The following TTK variants were observed in gnomAD, a reference collection of about 807,000 sequenced individuals.
TTK encodes the protein TTK protein kinase, also known as dual specificity protein kinase TTK.
In TTK, 59 loss-of-function variants were observed where a neutral mutation model predicts 117.3. The ratio of observed to expected loss-of-function variants is 0.50; its 90% CI spans 0.41 to 0.62. TTK has a LOEUF of 0.62. TTK is among the 20% of genes least tolerant of loss of function. TTK has a pLI of 0.00. For missense variants in TTK, 921 were observed against 989.4 expected, an observed-to-expected ratio of 0.93 and a Z score of 0.93; for synonymous variants, 302 against 325.0, an observed-to-expected ratio of 0.93 and a Z score of 0.76.
rs1582092432 is a variant in TTK, at chr6:80,014,454, T to C, written c.985-9T>C. ...TATGGGACTTTATTTGATTTTCTTT[T>C]TCATGTAGTCTGTTCAAAATAGTCA... On this transcript the variant is annotated splice_polypyrimidine_tract_variant and intron_variant, in intron 9 of 21. Coordinates refer to ENST00000369798, the MANE Select transcript of TTK (RefSeq NM_003318.5). The C allele has an allele frequency of 1.9e-6, 3 of 1,587,006 alleles. No homozygotes were observed. The East Asian group carries it at 6.8e-5, about 36-fold the overall frequency.
At chr6:80,020,888 C>G (rs1195428890) in intron 10 of TTK, among the ~76,000 whole-genome samples, 2 of 152,172 alleles carry the variant, frequency 1.3e-5, no homozygotes, top group East Asian at 3.9e-4. Flanking sequence ...CAAATACAGG[C>G]GGATCCAATG....
chr6:80,023,923 T>G (rs1208949937), intron 11 of TTK, among the ~76,000 whole-genome samples: 2 of 152,252 alleles, frequency 1.3e-5, no homozygotes, highest in Admixed American at 6.5e-5. Context: ...ATAAGGATCC[T>G]GATAGGTTGA....
intron 21 of TTK, 24 bp from the exon 22 acceptor site, chr6:80,042,095 C>A: frequency 4.0e-6 from 6 of 1,487,768 alleles, no homozygotes; most frequent in South Asian, 2.9e-5. Flanking sequence ...AATTGCAAAA[C>A]AGATTTGTGT....
At chr6:80,032,923 A>G (rs1315614267) in intron 14 of TTK, among the ~76,000 whole-genome samples, 1 of 152,178 alleles carries the variant, frequency 6.6e-6, no homozygotes, top group African/African-American at 2.4e-5. Flanking sequence ...TAAATACAAT[A>G]TGAAATGATT....
intron 16 of TTK, 49 bp downstream of exon 16, chr6:80,035,466 G>A (rs1767879179): frequency 6.6e-7 from 1 of 1,524,626 alleles, no homozygotes; most frequent in Admixed American, 2.2e-5. Context: ...TTTGTTAATA[G>A]TGTCATCTTA....
At chr6:80,004,835 T>G (rs1453078383) in intron 1 of TTK, 122 bp downstream of exon 1, 1 of 140,240 alleles carries the variant, frequency 7.1e-6, no homozygotes, top group African/African-American at 2.7e-5. Flanking sequence ...GAGCCAGGTA[T>G]GCGACGCGGC....
chr6:80,008,929 C>CTGTGTGTGTGTGTGTG (rs3049166), intron 4 of TTK, among the ~76,000 whole-genome samples: 3,921 of 142,338 alleles, frequency 0.028, 101 homozygotes, highest in East Asian at 0.08. Flanking sequence ...AACTATATAT[C>CTGTGTGTGTGTGTGTG]TGTGTGTGTG....
chr6:80,042,376 G>A lies in TTK; in HGVS notation c.*174G>A, dbSNP rs531386573. 2 of 457,766 alleles carry A rather than the reference G, an allele frequency of 4.4e-6. No individual in the cohort carries two copies. The highest frequency in any genetic ancestry group is 3.2e-5 in the East Asian group (1 of 31,174). The allele number at this position is 457,766 out of a possible 1,614,324, so 28.4% of individuals were successfully genotyped here. On this transcript the variant is annotated 3_prime_UTR_variant, in exon 22 of 22. Transcript: ENST00000369798. Reference sequence around the variant, plus strand: ...ACTGTAAAAATAGCAACCACTTATGGCACTGTATATATTGTAGACTTGTTT... The same window carrying A: ...ACTGTAAAAATAGCAACCACTTATGACACTGTATATATTGTAGACTTGTTT...
chr6:80,005,280 A>G (rs554580612), intron 1 of TTK, among the ~76,000 whole-genome samples: 1 of 152,290 alleles, frequency 6.6e-6, no homozygotes, highest in East Asian at 1.9e-4. Context: ...TACCAGTACA[A>G]TAGTTTCTTA....
At chr6:80,021,680 T>G (rs550311523) in intron 10 of TTK, among the ~76,000 whole-genome samples, 1 of 152,222 alleles carries the variant, frequency 6.6e-6, no homozygotes, top group South Asian at 2.1e-4. Context: ...ATAGTTATAT[T>G]GAGTAATTGC....
intron 8 of TTK, 94 bp downstream of exon 8, chr6:80,012,074 T>C (rs1767175491): frequency 1.1e-6 from 1 of 944,292 alleles, no homozygotes; most frequent in South Asian, 2.0e-5. Context: ...ATAGTAATTA[T>C]GATTAAATTT....
At chr6:80,041,898 A>C (rs1190883046) in intron 21 of TTK, among the ~76,000 whole-genome samples, 3 of 151,718 alleles carry the variant, frequency 2.0e-5, no homozygotes, top group Non-Finnish European at 4.4e-5. Flanking sequence ...TATTTCTCTC[A>C]TAGAAAGATT....
chr6:80,006,831 C>T (rs1194486392), intron 2 of TTK, among the ~76,000 whole-genome samples: 1 of 151,822 alleles, frequency 6.6e-6, no homozygotes, highest in Non-Finnish European at 1.5e-5. Context: ...AAATTTAAAA[C>T]GACAAAGCAA....
In TTK at chr6:80,027,970, C is replaced by T; in HGVS notation, c.1480C>T (p.Gln494Ter). ...TGGCCAACCTGCCTGTTTCCAGCAGCAACAGCATCAAATACTTGCCACTCC... is the reference window on the plus strand; with the variant it reads ...TGGCCAACCTGCCTGTTTCCAGCAGTAACAGCATCAAATACTTGCCACTCC... ...PYGQPACFQQ[Q>*]QHQILATPLQ... Residue 494 changes from glutamine (Q) to a stop codon, truncating the protein, a stop_gained, in exon 13 of 22, where the codon CAA becomes TAA. Coordinates refer to ENST00000369798, the MANE Select transcript of TTK (RefSeq NM_003318.5). LOFTEE classifies it high-confidence loss of function. The T allele has an allele frequency of 6.2e-7, 1 of 1,607,046 alleles. No individual in the cohort carries two copies. The highest frequency in any genetic ancestry group is 8.5e-7 in the Non-Finnish European group (1 of 1,175,952).
At chr6:80,037,528 T>A (rs1434128872) in intron 17 of TTK, 1 of 152,722 alleles carries the variant, frequency 6.5e-6, no homozygotes, top group Non-Finnish European at 1.5e-5. Context: ...AAAAATATAT[T>A]TTTTTAAAGT....
chr6:80,006,142 T>C (rs1766989148), intron 2 of TTK, 160 bp downstream of exon 2: 1 of 902,868 alleles, frequency 1.1e-6, no homozygotes, highest in South Asian at 1.4e-5. Flanking sequence ...TTGTCTGTTA[T>C]ATCCACAGAA....
Position 80,035,435 on chromosome 6 carries a change from T to A in TTK, c.1924+18T>A, listed in dbSNP as rs1320530666. Reference sequence around the variant, plus strand: ...TCAACATGGTATTTAACAGTTTTTTTATATTTGTAAGGTTAAAATCTTTGT... The same window carrying A: ...TCAACATGGTATTTAACAGTTTTTTAATATTTGTAAGGTTAAAATCTTTGT... On this transcript the variant is annotated intron_variant, in intron 16 of 21. Transcript: ENST00000369798. 3 of 1,578,802 alleles carry A rather than the reference T, an allele frequency of 1.9e-6. No homozygotes were observed. Among genetic ancestry groups the A allele is most frequent in the Non-Finnish European group, 2.6e-6 (3 of 1,167,516 alleles).
rs769076020 is a variant in TTK, at chr6:80,011,456, A to G, written c.636A>G (p.Gln212=). ...CAGCATCTACGGTATTAACTGCCCA[A>G]GAATCATTTTCCGGTTCACTTGGGC... ...NLSASTVLTA[Q]ESFSGSLGHL... Residue 212 remains glutamine, a synonymous_variant, in exon 6 of 22, where the codon CAA becomes CAG. Transcript: ENST00000369798. The G allele has an allele frequency of 3.1e-6, 5 of 1,603,748 alleles. No individual in the cohort carries two copies. The South Asian group carries it at 5.6e-5, about 18-fold the overall frequency.
intron 14 of TTK, among the ~76,000 whole-genome samples, chr6:80,033,702 A>G (rs532426789): frequency 4.6e-5 from 7 of 152,170 alleles, no homozygotes; most frequent in Non-Finnish European, 1.0e-4. Context: ...TCCCACTAAC[A>G]ATAATTAGAA....
Sources: gnomAD v4.1 joint callset for allele counts (sites outside exome capture counted in the v4.1 genomes callset) on GRCh38, gnomAD v4.1.1 for gene constraint, MANE v1.5 for transcripts, NCBI Gene and HGNC (gene_info 2026-07-23, HGNC 2026-07-21) for gene names.